Variants in RCAN2 observed in about 807,000 individuals in gnomAD.
The protein encoded by RCAN2 is regulator of calcineurin 2, also known as calcipressin-2.
A neutral mutation model predicts 23.6 loss-of-function variants in RCAN2; 9 were observed. That is an observed-to-expected ratio of 0.38 (90% CI 0.23 to 0.67). The LOEUF is 0.67. RCAN2 is among the 30% of genes least tolerant of loss of function. RCAN2 has a pLI of 0.51. For synonymous variants in RCAN2, 109 were observed against 115.7 expected (o/e 0.94, Z 0.37); for missense variants, 273 against 302.3 (o/e 0.90, Z 0.72).
chr6:46,350,365 G>A (rs1007053196), intron 2 of RCAN2, among the ~76,000 whole-genome samples: 6 of 152,182 alleles, frequency 3.9e-5, no homozygotes, highest in Non-Finnish European at 7.3e-5. Context: ...TGGTTTACGA[G>A]CAGGTGAGCA....
intron 2 of RCAN2, among the ~76,000 whole-genome samples, chr6:46,369,492 C>G (rs1765269325): frequency 6.6e-6 from 1 of 152,030 alleles, no homozygotes; most frequent in South Asian, 2.1e-4. Flanking sequence ...GTGAGTAATA[C>G]CTTGCATCAC....
At chr6:46,442,096 A>AT (rs1349704468) in intron 2 of RCAN2, among the ~76,000 whole-genome samples, 1 of 152,218 alleles carries the variant, frequency 6.6e-6, no homozygotes, top group East Asian at 1.9e-4. Context: ...CTGAGACTAG[A>AT]TTCAAGGAAG....
chr6:46,394,608 TC>T, intron 2 of RCAN2, among the ~76,000 whole-genome samples: 1 of 152,338 alleles, frequency 6.6e-6, no homozygotes, highest in African/African-American at 2.4e-5. Context: ...TTAAATTTTC[TC>T]TATAAAAAGT....
intron 2 of RCAN2, among the ~76,000 whole-genome samples, chr6:46,276,308 G>T (rs1767701918): frequency 6.6e-6 from 1 of 152,142 alleles, no homozygotes; most frequent in African/African-American, 2.4e-5. Flanking sequence ...CGGAATATCT[G>T]CCTTCAATTA....
intron 2 of RCAN2, among the ~76,000 whole-genome samples, chr6:46,313,656 G>A (rs1763335567): frequency 6.6e-6 from 1 of 152,130 alleles, no homozygotes. Context: ...CAATCATAAC[G>A]TGAAGTAAAA....
intron 2 of RCAN2, among the ~76,000 whole-genome samples, chr6:46,315,235 A>T (rs1582095838): frequency 6.6e-6 from 1 of 152,208 alleles, no homozygotes; most frequent in African/African-American, 2.4e-5. Context: ...CCATGTTACC[A>T]TATGCATCTC....
At chr6:46,255,161 A>G (rs1413009570) in intron 2 of RCAN2, among the ~76,000 whole-genome samples, 2 of 152,190 alleles carry the variant, frequency 1.3e-5, no homozygotes, top group Non-Finnish European at 2.9e-5. Flanking sequence ...AAGAATACAG[A>G]GCACCTAATA....
intron 2 of RCAN2, among the ~76,000 whole-genome samples, chr6:46,343,428 T>C (rs1032478063): frequency 1.1e-4 from 16 of 146,192 alleles, no homozygotes; most frequent in African/African-American, 4.0e-4. Context: ...CAGGCTGGAG[T>C]GCAGTGGCGC....
intron 2 of RCAN2, among the ~76,000 whole-genome samples, chr6:46,429,881 G>A (rs982792854): frequency 4.6e-5 from 7 of 152,176 alleles, no homozygotes; most frequent in African/African-American, 1.7e-4. Flanking sequence ...GTATATGGCA[G>A]ATAAATCAGC....
intron 2 of RCAN2, among the ~76,000 whole-genome samples, chr6:46,386,281 T>G (rs1286435755): frequency 6.6e-6 from 1 of 151,908 alleles, no homozygotes; most frequent in East Asian, 1.9e-4. Flanking sequence ...TCAACATCAC[T>G]GATCATTAGA....
intron 2 of RCAN2, among the ~76,000 whole-genome samples, chr6:46,361,936 G>C (rs963458180): frequency 1.3e-5 from 2 of 152,146 alleles, no homozygotes; most frequent in African/African-American, 4.8e-5. Context: ...TATCATCATG[G>C]TTTGGAGAAT....
At chr6:46,293,397 T>C (rs1171054352) in intron 2 of RCAN2, among the ~76,000 whole-genome samples, 1 of 152,212 alleles carries the variant, frequency 6.6e-6, no homozygotes, top group Non-Finnish European at 1.5e-5. Flanking sequence ...GAATTATTTT[T>C]CTACAACTTC....
intron 4 of RCAN2, among the ~76,000 whole-genome samples, chr6:46,223,549 C>T (rs1272888969): frequency 2.0e-5 from 3 of 152,196 alleles, no homozygotes; most frequent in African/African-American, 7.2e-5. Flanking sequence ...ACATCCTTTA[C>T]CGTAAATTTC....
At chr6:46,371,201 A>G (rs1057364446) in intron 2 of RCAN2, among the ~76,000 whole-genome samples, 1 of 152,158 alleles carries the variant, frequency 6.6e-6, no homozygotes, top group Non-Finnish European at 1.5e-5. Flanking sequence ...TTCCCCCCAG[A>G]TTTACCAATC....
intron 4 of RCAN2, among the ~76,000 whole-genome samples, chr6:46,235,766 T>C (rs1198696281): frequency 1.3e-5 from 2 of 152,130 alleles, no homozygotes; most frequent in African/African-American, 2.4e-5. Context: ...GCTCCTTCCC[T>C]ACACACCCCT....
At chr6:46,391,008 G>A (rs1168820993) in intron 2 of RCAN2, among the ~76,000 whole-genome samples, 3 of 152,136 alleles carry the variant, frequency 2.0e-5, no homozygotes, top group Non-Finnish European at 2.9e-5. Flanking sequence ...GCAAAGTCCA[G>A]CTTGTCTAAA....
chr6:46,227,044 T>A (rs1053451877), intron 4 of RCAN2, among the ~76,000 whole-genome samples: 1 of 152,210 alleles, frequency 6.6e-6, no homozygotes, highest in Admixed American at 6.5e-5. Context: ...ATTGAGATAA[T>A]CATGTGGTTT....
At chr6:46,226,460 T>C (rs1436254728) in intron 4 of RCAN2, among the ~76,000 whole-genome samples, 1 of 152,196 alleles carries the variant, frequency 6.6e-6, no homozygotes, top group Non-Finnish European at 1.5e-5. Flanking sequence ...TTTTATTTCA[T>C]TGAGCAGTGG....
At chr6:46,320,506 A>G (rs990143153) in intron 2 of RCAN2, among the ~76,000 whole-genome samples, 2 of 152,250 alleles carry the variant, frequency 1.3e-5, no homozygotes, top group Non-Finnish European at 2.9e-5. Flanking sequence ...ACAACAGCAT[A>G]AAACAAATAG....
Sources: gnomAD v4.1 joint callset for allele counts (sites outside exome capture counted in the v4.1 genomes callset) on GRCh38, gnomAD v4.1.1 for gene constraint, MANE v1.5 for transcripts, NCBI Gene and HGNC (gene_info 2026-07-23, HGNC 2026-07-21) for gene names.